Variants in ELL2 observed in about 807,000 individuals in gnomAD.
The protein encoded by ELL2 is RNA polymerase II elongation factor ELL2.
Under a neutral mutation model 72.8 loss-of-function variants are expected in ELL2, and 21 were observed. That is an observed-to-expected ratio of 0.29 (90% CI 0.20 to 0.42). The LOEUF is 0.42. Among genes scored for constraint, ELL2 ranks in the 10% least tolerant of loss-of-function variants. The probability of loss-of-function intolerance (pLI) is 1.00; values close to 1 mark genes in which losing one functional copy is unlikely to be tolerated. For missense variants in ELL2, 568 were observed against 772.8 expected, an observed-to-expected ratio of 0.73 and a Z score of 3.14; for synonymous variants, 266 against 283.2, an observed-to-expected ratio of 0.94 and a Z score of 0.61.
At chr5:95,939,424 G>T (rs1291622416) in intron 2 of ELL2, among the ~76,000 whole-genome samples, 1 of 152,214 alleles carries the variant, frequency 6.6e-6, no homozygotes, top group Non-Finnish European at 1.5e-5. Context: ...AAGGCTGAAA[G>T]AATGTTTGCA....
intron 2 of ELL2, among the ~76,000 whole-genome samples, chr5:95,927,180 C>T (rs934775803): frequency 1.5e-4 from 22 of 151,460 alleles, no homozygotes; most frequent in Non-Finnish European, 2.4e-4. Flanking sequence ...AGTCCAGGAA[C>T]GAGATAATGA....
intron 3 of ELL2, among the ~76,000 whole-genome samples, chr5:95,915,284 G>A (rs1370531334): frequency 6.6e-6 from 1 of 152,126 alleles, no homozygotes; most frequent in Non-Finnish European, 1.5e-5. Context: ...TGTATTTTTA[G>A]TAGAGACAGG....
At chr5:95,925,877 T>A (rs894167624) in intron 2 of ELL2, among the ~76,000 whole-genome samples, 5 of 152,220 alleles carry the variant, frequency 3.3e-5, no homozygotes, top group African/African-American at 1.2e-4. Flanking sequence ...TATTTGACTA[T>A]ATATAGACTA....
chr5:95,946,124 T>C lies in ELL2; in HGVS notation c.148-3075A>G, dbSNP rs915458408. Reference sequence around the variant, plus strand: ...TTTTGGGGGAAGGCAGCTCTTTCAGTTATGTGTAAAATAGATGGAGAGAGA... The same window carrying C: ...TTTTGGGGGAAGGCAGCTCTTTCAGCTATGTGTAAAATAGATGGAGAGAGA... On this transcript the variant is annotated intron_variant, in intron 1 of 11. Transcript: ENST00000237853. Among the ~76,000 whole-genome samples, 7 of 152,210 alleles carry C rather than the reference T, an allele frequency of 4.6e-5. No homozygotes were observed. The South Asian group carries it at 6.2e-4, about 14-fold the overall frequency.
chr5:95,939,842 C>G (rs1750906629), intron 2 of ELL2, among the ~76,000 whole-genome samples: 1 of 152,140 alleles, frequency 6.6e-6, no homozygotes, highest in Non-Finnish European at 1.5e-5. Context: ...TACCATTATA[C>G]CCCTCTGAAT....
At chr5:95,938,261 G>A (rs961111824) in intron 2 of ELL2, among the ~76,000 whole-genome samples, 1 of 152,160 alleles carries the variant, frequency 6.6e-6, no homozygotes, top group Non-Finnish European at 1.5e-5. Flanking sequence ...ATCTTCGGAA[G>A]GTCATTGTGC....
intron 1 of ELL2, among the ~76,000 whole-genome samples, chr5:95,949,963 C>G (rs1346267982): frequency 6.6e-6 from 1 of 152,182 alleles, no homozygotes; most frequent in Non-Finnish European, 1.5e-5. Context: ...CTGTGAATTA[C>G]TGAAGGCTAC....
In ELL2 at chr5:95,898,568, A is replaced by G. The variant is rs749416548; in HGVS notation, c.1197T>C (p.Pro399=). ...GAGTCCCCCGGCCTTCTGGAGTGCT[A>G]GGGGAGTTGGAGTTAGAATTTACAA... ...PQIVNSNSNS[P]STPEGRGTQD... Residue 399 remains proline (P), a synonymous_variant, in exon 8 of 12, where the codon CCT becomes CCC. Transcript: ENST00000237853. The G allele has an allele frequency of 3.3e-5, 53 of 1,613,850 alleles. No homozygotes were observed. In the Middle Eastern group the frequency reaches 6.6e-4, roughly 20 times the overall value.
intron 2 of ELL2, among the ~76,000 whole-genome samples, chr5:95,934,597 G>C (rs1750709234): frequency 6.6e-6 from 1 of 152,150 alleles, no homozygotes. Flanking sequence ...ACTGGAGAGA[G>C]AGAGATCACA....
intron 2 of ELL2, among the ~76,000 whole-genome samples, chr5:95,934,887 T>C (rs1750720967): frequency 6.6e-6 from 1 of 152,242 alleles, no homozygotes; most frequent in Non-Finnish European, 1.5e-5. Flanking sequence ...AAACATGTTC[T>C]GGTTTTTCTT....
Position 95,927,485 on chromosome 5 carries a change from GTGTGTATATAGACATACACACA to G in ELL2, c.196-7962_196-7941del, listed in dbSNP as rs1750373017. ...CGTGTGTATATAGACATACACACAC[GTGTGTATATAGACATACACACA>G]CGTGTGTATATAGACATACACACAC... On this transcript the variant is annotated intron_variant, in intron 2 of 11. Transcript: ENST00000237853. Among the ~76,000 whole-genome samples the G allele has an allele frequency of 9.2e-5, 2 of 21,688 alleles. 1 individual carries two copies. The allele number at this position is 21,688 out of a possible 152,430, so 14.2% of individuals were successfully genotyped here.
intron 2 of ELL2, among the ~76,000 whole-genome samples, chr5:95,939,293 T>A (rs1279666594): frequency 6.6e-6 from 1 of 152,234 alleles, no homozygotes; most frequent in East Asian, 1.9e-4. Flanking sequence ...TATGAATTAT[T>A]TTCTAAGTAT....
At chr5:95,915,454 AACAC>A (rs886636525) in intron 3 of ELL2, among the ~76,000 whole-genome samples, 1 of 152,240 alleles carries the variant, frequency 6.6e-6, no homozygotes, top group Non-Finnish European at 1.5e-5. Flanking sequence ...ATTTAAGAAA[AACAC>A]ACACACAAAA....
chr5:95,942,881 T>C (rs1751019575), intron 2 of ELL2, 121 bp downstream of exon 2: 1 of 569,468 alleles, frequency 1.8e-6, no homozygotes, highest in Non-Finnish European at 2.7e-6. Flanking sequence ...TTTCATTTAG[T>C]CACAAAGCTC....
chr5:95,927,400 T>TACACACACGTGTGTATATAGACAC (rs1750343117), intron 2 of ELL2, among the ~76,000 whole-genome samples: 1 of 29,462 alleles, frequency 3.4e-5, no homozygotes, highest in Non-Finnish European at 5.6e-5. Flanking sequence ...TATATAGACA[T>TACACACACGTGTGTATATAGACAC]ACACACACGT....
chr5:95,954,405 T>G (rs968635798), intron 1 of ELL2, among the ~76,000 whole-genome samples: 2 of 136,124 alleles, frequency 1.5e-5, no homozygotes, highest in Non-Finnish European at 3.1e-5. Flanking sequence ...AAATTATTCT[T>G]TTTTTTTTTT....
At chr5:95,921,959 C>T (rs144997642) in intron 2 of ELL2, among the ~76,000 whole-genome samples, 11 of 152,300 alleles carry the variant, frequency 7.2e-5, no homozygotes, top group Admixed American at 1.3e-4. Flanking sequence ...GCTCCAGCTT[C>T]GGTTTAGATC....
Position 95,956,845 on chromosome 5 carries a change from T to C in ELL2, c.147+4730A>G, listed in dbSNP as rs189898046. Reference sequence around the variant, plus strand: ...AAGAACTTATGCTTTGTAAATAGCATCTAAAATTATGAAAAATTAAATGGC... The same window carrying C: ...AAGAACTTATGCTTTGTAAATAGCACCTAAAATTATGAAAAATTAAATGGC... On this transcript the variant is annotated intron_variant, in intron 1 of 11. Transcript: ENST00000237853. Among the ~76,000 whole-genome samples the C allele has an allele frequency of 2.0e-3, 308 of 152,344 alleles. 1 individual carries two copies. The highest frequency in any genetic ancestry group is 7.0e-3 in the African/African-American group (289 of 41,572).
chr5:95,960,630 G>A (rs1580547467), intron 1 of ELL2, among the ~76,000 whole-genome samples: 2 of 151,942 alleles, frequency 1.3e-5, no homozygotes, highest in Non-Finnish European at 2.9e-5. Context: ...GCTCTGGCTC[G>A]TTCCCCGTTT....
Sources: gnomAD v4.1 joint callset for allele counts (sites outside exome capture counted in the v4.1 genomes callset) on GRCh38, gnomAD v4.1.1 for gene constraint, MANE v1.5 for transcripts, NCBI Gene and HGNC (gene_info 2026-07-23, HGNC 2026-07-21) for gene names.